Variants in DOCK5 observed in about 807,000 individuals in gnomAD.
DOCK5 encodes the protein dedicator of cytokinesis 5, also known as dedicator of cytokinesis protein 5.
A neutral mutation model predicts 251.8 loss-of-function variants in DOCK5; 142 were observed. The observed-to-expected ratio is 0.56, with a 90% CI of 0.49 to 0.65. The LOEUF (loss-of-function observed/expected upper bound fraction) is 0.65. Among genes scored for constraint, DOCK5 ranks in the 30% least tolerant of loss-of-function variants. DOCK5 has a pLI of 0.00. For missense variants in DOCK5, 2,111 were observed against 2,312.3 expected (o/e 0.91, Z 1.79); for synonymous variants, 842 against 835.5 (o/e 1.01, Z -0.13).
chr8:25,203,688 G>C (rs947656114), intron 1 of DOCK5, among the ~76,000 whole-genome samples: 80 of 152,334 alleles, frequency 5.3e-4, no homozygotes, highest in African/African-American at 1.8e-3. Context: ...AAAAGAGAGA[G>C]CCTCTCATTT....
At chr8:25,382,873 C>A in intron 40 of DOCK5, 95 bp downstream of exon 40, 2 of 1,006,364 alleles carry the variant, frequency 2.0e-6, no homozygotes, top group Non-Finnish European at 2.9e-6. Flanking sequence ...CAGCTGCCGA[C>A]CCGTGTTCTC....
chr8:25,395,396 G>A, intron 44 of DOCK5, 147 bp from the exon 45 acceptor site: 2 of 868,052 alleles, frequency 2.3e-6, no homozygotes, highest in Non-Finnish European at 3.4e-6. Flanking sequence ...TGGGACCCCT[G>A]CTATAAGTCT....
At chr8:25,336,435 T>C in intron 22 of DOCK5, 62 bp downstream of exon 22, 2 of 1,590,668 alleles carry the variant, frequency 1.3e-6, no homozygotes, top group Non-Finnish European at 1.7e-6. Context: ...GCTTTTTCCC[T>C]CACTCTGCAC....
intron 31 of DOCK5, among the ~76,000 whole-genome samples, chr8:25,367,569 G>A (rs934457578): frequency 1.3e-5 from 2 of 152,168 alleles, no homozygotes; most frequent in Non-Finnish European, 2.9e-5. Context: ...TGTTCCCCTT[G>A]TTGGGATATC....
At chr8:25,329,527 A>G (rs561506368) in intron 18 of DOCK5, among the ~76,000 whole-genome samples, 4 of 152,308 alleles carry the variant, frequency 2.6e-5, no homozygotes, top group African/African-American at 7.2e-5. Flanking sequence ...GCTTTTACTC[A>G]GCATTACTGA....
intron 2 of DOCK5, among the ~76,000 whole-genome samples, chr8:25,251,814 C>A (rs903251102): frequency 2.6e-5 from 4 of 152,134 alleles, no homozygotes; most frequent in Admixed American, 6.5e-5. Context: ...CATGGCAAAA[C>A]CCTGTCTCTA....
chr8:25,197,573 G>GTTTTTTT (rs1312014419), intron 1 of DOCK5, among the ~76,000 whole-genome samples: 1 of 61,736 alleles, frequency 1.6e-5, no homozygotes, highest in Non-Finnish European at 3.3e-5. Flanking sequence ...TCGTGTCTTT[G>GTTTTTTT]TCTTTTTTTT....
chr8:25,397,588 C>T (rs1251706410), intron 45 of DOCK5, among the ~76,000 whole-genome samples: 1 of 152,160 alleles, frequency 6.6e-6, no homozygotes, highest in Non-Finnish European at 1.5e-5. Flanking sequence ...CAATGGCAGT[C>T]AATATAAAAA....
At chr8:25,304,974 G>T (rs1563195383) in intron 11 of DOCK5, 1 of 152,730 alleles carries the variant, frequency 6.5e-6, no homozygotes. Context: ...TGGAGCCATG[G>T]GTAGGCCATT....
chr8:25,391,226 T>C (rs1011484629), intron 42 of DOCK5, among the ~76,000 whole-genome samples: 1 of 151,528 alleles, frequency 6.6e-6, no homozygotes, highest in East Asian at 1.9e-4. Context: ...TGTGTGTGTG[T>C]GTGTGTGTGT....
Position 25,366,913 on chromosome 8 carries a change from A to G in DOCK5, c.3167A>G (p.His1056Arg), listed in dbSNP as rs1800785901. The change falls in exon 31 of 52, where the codon CAT becomes CGT. Residue 1056 changes from histidine to arginine, a missense_variant. Transcript: ENST00000276440. ...CATTTGGCAGTTGCATTTCTCACCC[A>G]TGAGTCCCTTCAGCTTGAAACCTTC... ...YFHLAVAFLT[H>R]ESLQLETFSQ... 6.2e-7 allele frequency: 1 copy of G among 1,613,896 alleles called. No individual in the cohort carries two copies. Among genetic ancestry groups the G allele is most frequent in the Non-Finnish European group, 8.5e-7 (1 of 1,179,814 alleles).
intron 21 of DOCK5, 74 bp downstream of exon 21, chr8:25,334,270 A>G: frequency 8.3e-7 from 1 of 1,204,076 alleles, no homozygotes; most frequent in Non-Finnish European, 1.2e-6. Context: ...TTGTTGAGAA[A>G]CGAGACGGAC....
intron 30 of DOCK5, 160 bp downstream of exon 30, chr8:25,364,864 C>T: frequency 1.9e-6 from 1 of 539,698 alleles, no homozygotes; most frequent in Non-Finnish European, 3.3e-6. Context: ...TCACACTGTC[C>T]TCCAAACACA....
At chr8:25,265,096 G>A (rs1249662737) in intron 2 of DOCK5, among the ~76,000 whole-genome samples, 2 of 151,264 alleles carry the variant, frequency 1.3e-5, no homozygotes, top group African/African-American at 4.9e-5. Flanking sequence ...CTACACATTG[G>A]CATCACCATC....
intron 40 of DOCK5, among the ~76,000 whole-genome samples, chr8:25,388,375 GCA>G (rs755464492): frequency 3.9e-5 from 6 of 152,178 alleles, no homozygotes; most frequent in Non-Finnish European, 7.3e-5. Flanking sequence ...GGCTATGTTT[GCA>G]CTTGCCCAGG....
chr8:25,315,683 T>C (rs1168015294), intron 13 of DOCK5, among the ~76,000 whole-genome samples: 1 of 152,262 alleles, frequency 6.6e-6, no homozygotes, highest in Non-Finnish European at 1.5e-5. Flanking sequence ...ACATTTTTAA[T>C]ACTTTGAGAC....
chr8:25,217,837 A>G lies in DOCK5; in HGVS notation c.44-25837A>G, dbSNP rs1413878401. ...AGTATTTCTGGTTTCACCAAAGAGA[A>G]TGGGACATGTTAGTAACGACTCTCT... On this transcript the variant is annotated intron_variant, in intron 1 of 51. Transcript: ENST00000276440. Among the ~76,000 whole-genome samples the G allele has an allele frequency of 3.9e-5, 6 of 152,234 alleles. No homozygotes were observed. The East Asian group carries it at 9.6e-4, about 24-fold the overall frequency.
chr8:25,263,348 CATTTGTATAAATACAG>C (rs1803643088), intron 2 of DOCK5, among the ~76,000 whole-genome samples: 3 of 151,812 alleles, frequency 2.0e-5, no homozygotes, highest in East Asian at 3.9e-4. Flanking sequence ...GGGTAGTATG[CATTTGTATAAATACAG>C]ATTAATACCT....
intron 40 of DOCK5, among the ~76,000 whole-genome samples, chr8:25,384,978 G>A (rs1044895515): frequency 6.6e-6 from 1 of 152,178 alleles, no homozygotes; most frequent in Non-Finnish European, 1.5e-5. Flanking sequence ...GGGATCCTCT[G>A]TTTCAGCTGC....
Sources: gnomAD v4.1 joint callset for allele counts (sites outside exome capture counted in the v4.1 genomes callset) on GRCh38, gnomAD v4.1.1 for gene constraint, MANE v1.5 for transcripts, NCBI Gene and HGNC (gene_info 2026-07-23, HGNC 2026-07-21) for gene names.